EML6: variants seen among roughly 807,000 people sequenced by gnomAD.
The protein encoded by EML6 is echinoderm microtubule-associated protein-like 6.
Under a neutral mutation model 240.1 loss-of-function variants are expected in EML6, and 154 were observed. That is an observed-to-expected ratio of 0.64 (90% CI 0.56 to 0.73). The LOEUF is 0.73. Among genes scored for constraint, EML6 ranks in the 30% least tolerant of loss-of-function variants. EML6 has a pLI of 0.00. For synonymous variants in EML6, 1,148 were observed against 899.0 expected, an observed-to-expected ratio of 1.28 and a Z score of -4.95; for missense variants, 2,964 against 2,474.6, an observed-to-expected ratio of 1.20 and a Z score of -4.20.
intron 5 of EML6, among the ~76,000 whole-genome samples, chr2:54,825,527 T>C (rs1668544470): frequency 6.6e-6 from 1 of 152,182 alleles, no homozygotes. Flanking sequence ...CTTCCCAAAG[T>C]GCTGGTATTA....
At chr2:54,808,085 T>C (rs1169155523) in intron 2 of EML6, among the ~76,000 whole-genome samples, 1 of 152,218 alleles carries the variant, frequency 6.6e-6, no homozygotes. Context: ...GTTCACACAA[T>C]TCAGGAAAAT....
chr2:54,806,506 G>T (rs538407807), intron 2 of EML6, among the ~76,000 whole-genome samples: 5 of 150,094 alleles, frequency 3.3e-5, no homozygotes, highest in Non-Finnish European at 7.4e-5. Flanking sequence ...CCAACTACTC[G>T]GGATGCTGAG....
At chr2:54,797,838 T>C (rs1329475270) in intron 2 of EML6, among the ~76,000 whole-genome samples, 1 of 152,218 alleles carries the variant, frequency 6.6e-6, no homozygotes, top group Non-Finnish European at 1.5e-5. Context: ...GGCTTCAGTG[T>C]CATTGATAGA....
At chr2:54,796,051 GTCTTTAAAAC>G (rs1181791543) in intron 2 of EML6, among the ~76,000 whole-genome samples, 1 of 151,876 alleles carries the variant, frequency 6.6e-6, no homozygotes, top group Non-Finnish European at 1.5e-5. Context: ...ACACAAATAA[GTCTTTAAAAC>G]TTTCTCAGAG....
At chr2:54,847,657 T>C in intron 9 of EML6, 34 bp downstream of exon 9, 1 of 1,547,850 alleles carries the variant, frequency 6.5e-7, no homozygotes, top group Non-Finnish European at 8.7e-7. Flanking sequence ...TATTTAGAAA[T>C]GCTCTCGTGT....
chr2:54,830,549 G>A (rs1467485486), intron 7 of EML6, among the ~76,000 whole-genome samples: 6 of 152,282 alleles, frequency 3.9e-5, no homozygotes, highest in South Asian at 2.1e-4. Flanking sequence ...TGAAGCCCCC[G>A]CTGTGTGACC....
chr2:54,803,222 T>G (rs1670276428), intron 2 of EML6, among the ~76,000 whole-genome samples: 1 of 152,138 alleles, frequency 6.6e-6, no homozygotes, highest in South Asian at 2.1e-4. Context: ...GTGTCTGTAG[T>G]TTCTGTATGG....
chr2:54,797,995 A>G (rs1052176455), intron 2 of EML6, among the ~76,000 whole-genome samples: 24 of 152,248 alleles, frequency 1.6e-4, no homozygotes, highest in African/African-American at 3.4e-4. Context: ...TTGTACTTCA[A>G]TATAAGTGTC....
intron 5 of EML6, among the ~76,000 whole-genome samples, chr2:54,821,519 T>C (rs1219389257): frequency 6.6e-6 from 1 of 152,148 alleles, no homozygotes; most frequent in Non-Finnish European, 1.5e-5. Context: ...TGTTTTTACC[T>C]GACAGAATTT....
At chr2:54,742,548 A>C (rs960640725) in intron 2 of EML6, among the ~76,000 whole-genome samples, 1 of 152,060 alleles carries the variant, frequency 6.6e-6, no homozygotes, top group Non-Finnish European at 1.5e-5. Context: ...TTCTGCTATG[A>C]CTTTCCATTT....
At chr2:54,799,339 G>A (rs1002735030) in intron 2 of EML6, among the ~76,000 whole-genome samples, 8 of 151,990 alleles carry the variant, frequency 5.3e-5, no homozygotes, top group Non-Finnish European at 1.2e-4. Flanking sequence ...GGGATTACAG[G>A]CATGAGCCAC....
At chr2:54,919,649 A>G (rs530298390) in intron 26 of EML6, among the ~76,000 whole-genome samples, 104 of 152,350 alleles carry the variant, frequency 6.8e-4, no homozygotes, top group South Asian at 5.8e-3. Flanking sequence ...TGAAATTGCT[A>G]GCAGTACAAG....
intron 2 of EML6, among the ~76,000 whole-genome samples, chr2:54,794,909 G>A (rs999652756): frequency 1.3e-5 from 2 of 152,158 alleles, no homozygotes; most frequent in South Asian, 2.1e-4. Context: ...GGCAACTGAA[G>A]ACTTTCAGGA....
rs544694186 is a variant in EML6 at position 54,924,127 on chromosome 2, T to C, written c.3676-4186T>C. Among the ~76,000 whole-genome samples, 11 of 152,338 alleles carry C rather than the reference T, an allele frequency of 7.2e-5. No homozygotes were observed. In the South Asian group the frequency reaches 8.3e-4, roughly 11 times the overall value. On this transcript the variant is annotated intron_variant, in intron 26 of 41. Coordinates refer to ENST00000356458, the MANE Select transcript of EML6 (RefSeq NM_001039753.4). ...ATATGCTTTCTTTCTCTTAGGTAAA[T>C]ATATAGGAGTGGAATTTCTGAGTCA...
intron 7 of EML6, among the ~76,000 whole-genome samples, chr2:54,839,831 C>T (rs777205076): frequency 2.8e-5 from 4 of 144,100 alleles, no homozygotes; most frequent in Non-Finnish European, 6.0e-5. Flanking sequence ...TTGACTGGTT[C>T]ATTAGTCTGG....
chr2:54,776,182 T>G (rs1261992304), intron 2 of EML6, among the ~76,000 whole-genome samples: 1 of 152,092 alleles, frequency 6.6e-6, no homozygotes, highest in Non-Finnish European at 1.5e-5. Flanking sequence ...AAAGCCATGT[T>G]TTTTAGTTTC....
chr2:54,860,912 G>A (rs1670638483), intron 12 of EML6, among the ~76,000 whole-genome samples: 1 of 152,202 alleles, frequency 6.6e-6, no homozygotes, highest in African/African-American at 2.4e-5. Flanking sequence ...TCTGGGAGCA[G>A]AAGGGACTAG....
intron 12 of EML6, among the ~76,000 whole-genome samples, chr2:54,862,338 TAAAAAAAAAA>T (rs35834327): frequency 8.0e-5 from 3 of 37,700 alleles, no homozygotes; most frequent in African/African-American, 2.1e-4. Context: ...ACTCCATCTC[TAAAAAAAAAA>T]AAAAAAAAAA....
chr2:54,840,433 C>T (rs1416993403), intron 7 of EML6, among the ~76,000 whole-genome samples: 1 of 152,198 alleles, frequency 6.6e-6, no homozygotes, highest in African/African-American at 2.4e-5. Flanking sequence ...TATACATTTG[C>T]ATCACTTTAG....
Sources: allele counts gnomAD v4.1 joint callset (sites outside exome capture counted in the v4.1 genomes callset), GRCh38; gene constraint gnomAD v4.1.1; transcripts MANE v1.5; gene names NCBI Gene and HGNC (gene_info 2026-07-23, HGNC 2026-07-21).